The following SYN3 variants were observed in gnomAD, a reference collection of about 807,000 sequenced individuals.
SYN3 encodes synapsin-3.
Under a neutral mutation model 65.8 loss-of-function variants are expected in SYN3, and 35 were observed. The ratio of observed to expected loss-of-function variants is 0.53; its 90% CI spans 0.41 to 0.70. SYN3 has a LOEUF of 0.70. Among genes scored for constraint, SYN3 ranks in the 30% least tolerant of loss-of-function variants. The pLI is 0.00. For synonymous variants in SYN3, 270 were observed against 292.9 expected (o/e 0.92, Z 0.80); for missense variants, 680 against 749.0 (o/e 0.91, Z 1.08).
intron 6 of SYN3, among the ~76,000 whole-genome samples, chr22:32,691,558 T>C (rs1285990967): frequency 6.6e-6 from 1 of 152,158 alleles, no homozygotes; most frequent in African/African-American, 2.4e-5. Flanking sequence ...CACCCGCCCA[T>C]AATCTCAGGG....
At chr22:32,546,954 C>T (rs555044451) in intron 7 of SYN3, among the ~76,000 whole-genome samples, 50 of 151,942 alleles carry the variant, frequency 3.3e-4, no homozygotes, top group African/African-American at 1.2e-3. Context: ...CTCTAACACT[C>T]CTTGCCTTCT....
chr22:32,825,893 T>C (rs1384386200), intron 6 of SYN3, among the ~76,000 whole-genome samples: 2 of 152,026 alleles, frequency 1.3e-5, no homozygotes, highest in African/African-American at 2.4e-5. Context: ...AACTGATATA[T>C]TGGGATTGAA....
At chr22:33,028,793 C>A (rs1225584585) in intron 1 of SYN3, among the ~76,000 whole-genome samples, 2 of 152,156 alleles carry the variant, frequency 1.3e-5, no homozygotes, top group Non-Finnish European at 2.9e-5. Flanking sequence ...GTAATCCCAG[C>A]ACTTTGGGAG....
At chr22:32,659,736 C>G (rs1429861750) in intron 6 of SYN3, among the ~76,000 whole-genome samples, 6 of 152,104 alleles carry the variant, frequency 3.9e-5, no homozygotes, top group Non-Finnish European at 8.8e-5. Context: ...TGCTGCCTGT[C>G]TTGTTTCTCA....
chr22:33,035,179 G>A (rs8138938), intron 1 of SYN3, among the ~76,000 whole-genome samples: 67,872 of 151,922 alleles, frequency 0.45, 15,405 homozygotes, highest in African/African-American at 0.52. Context: ...CAGTAACAAT[G>A]ATAATGATGA....
At chr22:32,880,305 C>T (rs2049094152) in intron 4 of SYN3, among the ~76,000 whole-genome samples, 1 of 152,148 alleles carries the variant, frequency 6.6e-6, no homozygotes, top group African/African-American at 2.4e-5. Context: ...GATTTGCAAG[C>T]CAGTGACTCA....
At chr22:32,596,617 G>C in intron 7 of SYN3, 57 bp downstream of exon 7, 1 of 1,572,752 alleles carries the variant, frequency 6.4e-7, no homozygotes, top group Non-Finnish European at 8.7e-7. Context: ...AGAGGAACAG[G>C]TAGTCTGGGG....
In SYN3 at chr22:32,801,185, A is replaced by G. The variant is rs2046562995; in HGVS notation, c.711+63730T>C. 6.6e-6 allele frequency among the ~76,000 whole-genome samples: 1 copy of G among 152,116 alleles called. No individual in the cohort carries two copies. Among genetic ancestry groups the G allele is most frequent in the Non-Finnish European group, 1.5e-5 (1 of 68,012 alleles). On this transcript the variant is annotated intron_variant, in intron 6 of 13. Coordinates refer to ENST00000358763, the MANE Select transcript of SYN3 (RefSeq NM_003490.4). This position sits in a 1 kb window ranked among gnomAD's most constrained non-coding sequence, Gnocchi z 4.7. Reference sequence around the variant, plus strand: ...AGAGTAAGAACCAGAGAGAGAGAGAAAGAGAGAGAGTTTGGGTCTTTCTCC... The same window carrying G: ...AGAGTAAGAACCAGAGAGAGAGAGAGAGAGAGAGAGTTTGGGTCTTTCTCC...
chr22:32,963,145 C>G (rs948045657), intron 3 of SYN3, among the ~76,000 whole-genome samples: 1 of 150,298 alleles, frequency 6.7e-6, no homozygotes, highest in African/African-American at 2.4e-5. Flanking sequence ...GATGCAATCT[C>G]GGCTCACTGC....
chr22:32,998,776 T>TAAAAAAAAAAAAAAAAAAA (rs34372968), intron 2 of SYN3, among the ~76,000 whole-genome samples: 3 of 82,012 alleles, frequency 3.7e-5, no homozygotes, highest in African/African-American at 1.5e-4. Context: ...ATAGAAATAG[T>TAAAAAAAAAAAAAAAAAAA]AAAAAAAAAA....
At chr22:32,773,536 G>GA (rs2045830304) in intron 6 of SYN3, among the ~76,000 whole-genome samples, 1 of 152,104 alleles carries the variant, frequency 6.6e-6, no homozygotes, top group Non-Finnish European at 1.5e-5. Context: ...AAAGAGGTGG[G>GA]AATTACAGAT....
intron 1 of SYN3, among the ~76,000 whole-genome samples, chr22:33,034,270 A>G (rs766367921): frequency 3.3e-5 from 5 of 151,428 alleles, no homozygotes; most frequent in African/African-American, 4.8e-5. Flanking sequence ...CTTTCAAGAC[A>G]GAGTCTTGCT....
intron 6 of SYN3, among the ~76,000 whole-genome samples, chr22:32,714,091 T>C (rs2061004076): frequency 6.6e-6 from 1 of 152,178 alleles, no homozygotes; most frequent in African/African-American, 2.4e-5. Context: ...CATCTTTTCC[T>C]GAATGCCTTT....
chr22:32,990,813 TGAGGTGGGCGGATCACTG>T (rs2052691231), intron 2 of SYN3, among the ~76,000 whole-genome samples: 1 of 151,968 alleles, frequency 6.6e-6, no homozygotes, highest in East Asian at 1.9e-4. Context: ...TTTGGGAGGC[TGAGGTGGGCGGATCACTG>T]GAGGTGGGGA....
intron 4 of SYN3, among the ~76,000 whole-genome samples, chr22:32,928,607 CTCTGGCTTTTTCTT>C (rs1056407678): frequency 6.6e-5 from 10 of 152,040 alleles, no homozygotes; most frequent in African/African-American, 2.4e-4. Flanking sequence ...GCCTTTTTTC[CTCTGGCTTTTTCTT>C]TCTAAATATC....
rs1896716919 is a variant in SYN3 at position 32,691,991 on chromosome 22, A to G, written c.712-95255T>C. Among the ~76,000 whole-genome samples the G allele has an allele frequency of 2.6e-5, 4 of 152,064 alleles. No homozygotes were observed. The South Asian group carries it at 6.2e-4, about 24-fold the overall frequency. On this transcript the variant is annotated intron_variant, in intron 6 of 13. Transcript: ENST00000358763. ...TTGGACCCTGGAGTCATGCAGGCCAATCAGATCACCTCTCTTGAAGATTTG... is the reference window on the plus strand; with the variant it reads ...TTGGACCCTGGAGTCATGCAGGCCAGTCAGATCACCTCTCTTGAAGATTTG...
intron 8 of SYN3, among the ~76,000 whole-genome samples, chr22:32,539,791 GA>G (rs57215045): frequency 2.2e-4 from 33 of 147,440 alleles, no homozygotes; most frequent in African/African-American, 6.5e-4. Flanking sequence ...TAATCCTCAA[GA>G]AAAAAAAAAA....
At chr22:32,549,533 A>G (rs927682092) in intron 7 of SYN3, among the ~76,000 whole-genome samples, 3 of 152,198 alleles carry the variant, frequency 2.0e-5, no homozygotes, top group African/African-American at 7.2e-5. Context: ...GATTACAGAC[A>G]TTAGTCACCA....
chr22:32,921,382 G>A (rs2050330108), intron 4 of SYN3, among the ~76,000 whole-genome samples: 1 of 152,142 alleles, frequency 6.6e-6, no homozygotes, highest in South Asian at 2.1e-4. Flanking sequence ...GATTTTTAAG[G>A]GAGGGCAACA....
Sources: allele counts gnomAD v4.1 joint callset (sites outside exome capture counted in the v4.1 genomes callset), GRCh38; gene constraint gnomAD v4.1.1; non-coding constraint Gnocchi (gnomAD v3.1); transcripts MANE v1.5; gene names NCBI Gene and HGNC (gene_info 2026-07-23, HGNC 2026-07-21).